The following NKAIN2 variants were observed in gnomAD, a reference collection of about 807,000 sequenced individuals.
The protein encoded by NKAIN2 is sodium/potassium transporting ATPase interacting 2, also known as sodium/potassium-transporting ATPase subunit beta-1-interacting protein 2.
Under a neutral mutation model 32.6 loss-of-function variants are expected in NKAIN2, and 14 were observed. The ratio of observed to expected loss-of-function variants is 0.43; its 90% CI spans 0.28 to 0.67. The LOEUF (loss-of-function observed/expected upper bound fraction) is 0.67, where lower values mean the gene tolerates loss of function less well. Ranked by LOEUF, NKAIN2 falls within the 30% of genes least tolerant of loss-of-function variation. The pLI, the probability that NKAIN2 is intolerant of heterozygous loss-of-function variation, is 0.17. For synonymous variants in NKAIN2, 80 were observed against 87.2 expected (o/e 0.92, Z 0.46); for missense variants, 198 against 258.3 (o/e 0.77, Z 1.60).
intron 2 of NKAIN2, among the ~76,000 whole-genome samples, chr6:124,336,311 G>T (rs1441319065): frequency 6.6e-6 from 1 of 152,184 alleles, no homozygotes; most frequent in Non-Finnish European, 1.5e-5. Flanking sequence ...TTTTTTGCCA[G>T]TGGTTTAATT....
At chr6:124,252,143 A>G (rs988182574) in intron 1 of NKAIN2, among the ~76,000 whole-genome samples, 1 of 152,060 alleles carries the variant, frequency 6.6e-6, no homozygotes, top group Non-Finnish European at 1.5e-5. Flanking sequence ...TGGTTCACAT[A>G]GTCACACAAA....
chr6:124,435,933 A>G (rs925897069), intron 3 of NKAIN2, among the ~76,000 whole-genome samples: 4 of 152,168 alleles, frequency 2.6e-5, no homozygotes, highest in Non-Finnish European at 5.9e-5. Flanking sequence ...GATTAAATAT[A>G]AGTAGTTTCT....
chr6:124,205,196 A>G (rs1790802123), intron 1 of NKAIN2, among the ~76,000 whole-genome samples: 1 of 151,848 alleles, frequency 6.6e-6, no homozygotes, highest in Admixed American at 6.6e-5. Context: ...GAAGATGGCT[A>G]TGAAGGTTAA....
chr6:124,274,097 A>G (rs1794921333), intron 1 of NKAIN2, among the ~76,000 whole-genome samples: 1 of 152,190 alleles, frequency 6.6e-6, no homozygotes, highest in Non-Finnish European at 1.5e-5. Flanking sequence ...GAATCAGACT[A>G]CAAAGGTATA....
chr6:123,930,694 G>A (rs530020365), intron 1 of NKAIN2, among the ~76,000 whole-genome samples: 1 of 152,218 alleles, frequency 6.6e-6, no homozygotes, highest in South Asian at 2.1e-4. Flanking sequence ...ATATGTTTTT[G>A]TAATACTTCT....
chr6:124,175,095 T>C (rs1789089951), intron 1 of NKAIN2, among the ~76,000 whole-genome samples: 1 of 152,194 alleles, frequency 6.6e-6, no homozygotes, highest in African/African-American at 2.4e-5. Context: ...TTAAGCACCA[T>C]TGTAACTTGG....
chr6:124,046,421 A>T (rs1050054361), intron 1 of NKAIN2, among the ~76,000 whole-genome samples: 7 of 152,046 alleles, frequency 4.6e-5, no homozygotes, highest in African/African-American at 1.7e-4. Context: ...TTGGAGAATC[A>T]CAGTGCACAT....
intron 1 of NKAIN2, among the ~76,000 whole-genome samples, chr6:124,163,611 G>A (rs1009137405): frequency 1.3e-5 from 2 of 151,910 alleles, no homozygotes; most frequent in Admixed American, 6.6e-5. Context: ...TCTGATGTCC[G>A]CATTCTTACT....
intron 3 of NKAIN2, among the ~76,000 whole-genome samples, chr6:124,422,157 T>A (rs1367869591): frequency 1.3e-5 from 2 of 152,168 alleles, no homozygotes; most frequent in Non-Finnish European, 2.9e-5. Flanking sequence ...TGATTTATTT[T>A]TAATTTAGTA....
chr6:123,830,625 A>G (rs894167628), intron 1 of NKAIN2, among the ~76,000 whole-genome samples: 31 of 152,244 alleles, frequency 2.0e-4, no homozygotes, highest in African/African-American at 7.2e-4. Flanking sequence ...AGTCAGGTCA[A>G]CTTCACCCAC....
At chr6:124,402,939 C>T (rs1320561899) in intron 3 of NKAIN2, among the ~76,000 whole-genome samples, 1 of 152,114 alleles carries the variant, frequency 6.6e-6, no homozygotes. Context: ...TGCACCTATA[C>T]CCACGAACCT....
chr6:124,084,502 T>C (rs1034766340), intron 1 of NKAIN2, among the ~76,000 whole-genome samples: 1 of 151,984 alleles, frequency 6.6e-6, no homozygotes, highest in African/African-American at 2.4e-5. Flanking sequence ...TGAAATCACC[T>C]AACCATGTAT....
Position 124,462,185 on chromosome 6 carries a change from G to T in NKAIN2, c.273+106838G>T, listed in dbSNP as rs182448046. Among the ~76,000 whole-genome samples the T allele has an allele frequency of 2.1e-4, 32 of 151,874 alleles. No individual in the cohort carries two copies. The East Asian group carries it at 6.2e-3, about 29-fold the overall frequency. Reference sequence around the variant, plus strand: ...CAAAGTTTGGAACATAATAAGGAATGGAGAGAATTGTTAAAGGGAAGAGAA... The same window carrying T: ...CAAAGTTTGGAACATAATAAGGAATTGAGAGAATTGTTAAAGGGAAGAGAA... On this transcript the variant is annotated intron_variant, in intron 3 of 6. Coordinates refer to ENST00000368417, the MANE Select transcript of NKAIN2 (RefSeq NM_001040214.3).
intron 5 of NKAIN2, among the ~76,000 whole-genome samples, chr6:124,808,653 G>T (rs748486486): frequency 3.9e-5 from 6 of 152,156 alleles, no homozygotes; most frequent in Non-Finnish European, 8.8e-5. Context: ...ACAGGAGAAG[G>T]AAATAAAGGG....
In NKAIN2 at chr6:124,016,446, A is replaced by G. The variant is rs573880220; in HGVS notation, c.54+212192A>G. On this transcript the variant is annotated intron_variant, in intron 1 of 6. Coordinates refer to ENST00000368417, the MANE Select transcript of NKAIN2 (RefSeq NM_001040214.3). ...AAAGCAGTGATCAGTCTTTTCTCAA[A>G]ATAGATTGAACTGCTGTATGAATTC... is the stretch of plus-strand genomic sequence containing the variant. 1.3e-4 allele frequency among the ~76,000 whole-genome samples: 20 copies of G among 152,328 alleles called. 1 individual carries two copies. The highest frequency in any genetic ancestry group is 8.3e-4 in the South Asian group (4 of 4,830).
At chr6:124,019,346 G>A (rs1385173376) in intron 1 of NKAIN2, among the ~76,000 whole-genome samples, 2 of 152,010 alleles carry the variant, frequency 1.3e-5, no homozygotes, top group African/African-American at 2.4e-5. Context: ...ATTAAAGTGA[G>A]ATTACCTTGA....
chr6:124,206,189 A>G (rs2114642815), intron 1 of NKAIN2, among the ~76,000 whole-genome samples: 1 of 151,916 alleles, frequency 6.6e-6, no homozygotes, highest in Non-Finnish European at 1.5e-5. Flanking sequence ...ACTTTTTCCT[A>G]TTTAAGCACG....
At chr6:124,165,771 G>GT (rs1285290421) in intron 1 of NKAIN2, among the ~76,000 whole-genome samples, 1 of 147,872 alleles carries the variant, frequency 6.8e-6, no homozygotes, top group Non-Finnish European at 1.5e-5. Flanking sequence ...GTGGTGTTTG[G>GT]TTTTTTGTCC....
At chr6:124,003,454 C>A (rs1172986101) in intron 1 of NKAIN2, among the ~76,000 whole-genome samples, 1 of 152,204 alleles carries the variant, frequency 6.6e-6, no homozygotes, top group Admixed American at 6.5e-5. Context: ...ATGTCCTCAT[C>A]TTTGGTAATG....
Sources: gnomAD v4.1 joint callset for allele counts (sites outside exome capture counted in the v4.1 genomes callset) on GRCh38, gnomAD v4.1.1 for gene constraint, MANE v1.5 for transcripts, NCBI Gene and HGNC (gene_info 2026-07-23, HGNC 2026-07-21) for gene names.